Variants in POLA1 observed in about 807,000 individuals in gnomAD.
The protein encoded by POLA1 is DNA polymerase alpha catalytic subunit.
In POLA1, 15 loss-of-function variants were observed where a neutral mutation model predicts 124.0. The ratio of observed to expected loss-of-function variants is 0.12; its 90% CI spans 0.08 to 0.19. POLA1 has a LOEUF of 0.19. POLA1 is among the 10% of genes least tolerant of loss of function. The pLI is 1.00. For synonymous variants in POLA1, 408 were observed against 389.4 expected (o/e 1.05, Z -0.56); for missense variants, 886 against 1,103.4 (o/e 0.80, Z 2.79).
chrX:24,717,620 CAAG>C lies in POLA1; in HGVS notation c.953_955del (p.Glu318del). On this transcript the variant is annotated inframe_deletion, in exon 10 of 37. Transcript: ENST00000379068. Reference sequence around the variant, plus strand: ...GGATGTCTCTTGTTGGGACATTGATCAAGAAGGTGATAGCAGTTTCTCAGTGCA... The same window carrying C: ...GGATGTCTCTTGTTGGGACATTGATCAAGGTGATAGCAGTTTCTCAGTGCA... 8.3e-7 allele frequency: 1 copy of C among 1,209,428 alleles called. No homozygotes were observed. Among genetic ancestry groups the C allele is most frequent in the Non-Finnish European group, 1.1e-6 (1 of 893,683 alleles).
intron 5 of POLA1, 69 bp from the exon 6 acceptor site, chrX:24,715,072 T>G: frequency 1.4e-6 from 1 of 720,717 alleles, no homozygotes; most frequent in Non-Finnish European, 2.2e-6. Flanking sequence ...TTCATATACA[T>G]GTGTGTAGTT....
In POLA1 at chrX:24,902,859, A is replaced by G. The variant is rs2047301366; in HGVS notation, c.4164+14737A>G. On this transcript the variant is annotated intron_variant, in intron 35 of 36. Transcript: ENST00000379068. ...AACAAAAACAATGACATAGTTTTAC[A>G]CATCTTCAGTAGCTAAGAAATATAT... Among the ~76,000 whole-genome samples the G allele has an allele frequency of 2.7e-5, 3 of 112,685 alleles. No homozygotes were observed. The South Asian group carries it at 1.1e-3, about 41-fold the overall frequency.
intron 15 of POLA1, among the ~76,000 whole-genome samples, chrX:24,730,962 G>A (rs1032677746): frequency 8.9e-6 from 1 of 112,130 alleles, no homozygotes; most frequent in Admixed American, 9.5e-5. Context: ...CTTCATAGAC[G>A]GTTTCCAGCT....
rs759006513 is a variant in POLA1, at chrX:24,888,036, C to T, written c.4078C>T (p.Arg1360Cys). 10 of 1,208,021 alleles carry T rather than the reference C, an allele frequency of 8.3e-6. No homozygotes were observed. Among genetic ancestry groups the T allele is most frequent in the Admixed American group, 6.5e-5 (3 of 45,968 alleles). ...GTTGATATGTGAAGAGCCAACCTGTCGCAATCGAACTCGTCACCTTCCCCT... is the reference window on the plus strand; with the variant it reads ...GTTGATATGTGAAGAGCCAACCTGTTGCAATCGAACTCGTCACCTTCCCCT... ...GWLICEEPTC[R>C]NRTRHLPLQF... The change falls in exon 35 of 37, where the codon CGC becomes TGC. Residue 1360 changes from arginine (R) to cysteine (C), a missense_variant. By Grantham distance (180) the Arg-to-Cys change is radical. Transcript: ENST00000379068.
intron 14 of POLA1, among the ~76,000 whole-genome samples, chrX:24,727,433 G>A (rs1362014312): frequency 9.0e-6 from 1 of 111,326 alleles, no homozygotes; most frequent in Non-Finnish European, 1.9e-5. Context: ...GTTACCTGAT[G>A]TTTTTCAGTA....
At chrX:24,810,850 G>A (rs750618361) in intron 28 of POLA1, 50 bp downstream of exon 28, 1 of 611,575 alleles carries the variant, frequency 1.6e-6, no homozygotes, top group South Asian at 2.5e-5. Context: ...TGTGAATTCT[G>A]TTTCTAACAT....
In POLA1 at chrX:24,841,772, A is replaced by G. The variant is rs575609660; in HGVS notation, c.3857A>G (p.Lys1286Arg). 3.6e-5 allele frequency: 43 copies of G among 1,198,714 alleles called. 1 individual carries two copies. The African/African-American group carries it at 7.0e-4, about 20-fold the overall frequency. Residue 1286 changes from lysine (K) to arginine (R), a missense_variant, in exon 33 of 37, where the codon AAA becomes AGA. Coordinates refer to ENST00000379068, the MANE Select transcript of POLA1 (RefSeq NM_001330360.2). ...EEKYRDCERF[K>R]CPCPTCGTEN... The stretch of plus-strand genomic sequence containing the variant: ...AAATACAGGGACTGTGAAAGATTCA[A>G]ATGTCCATGCCCTACATGTGGAACT...
intron 35 of POLA1, among the ~76,000 whole-genome samples, chrX:24,911,956 A>G (rs1363728325): frequency 8.9e-6 from 1 of 112,524 alleles, no homozygotes; most frequent in Non-Finnish European, 1.9e-5. Context: ...AGAGAATAAC[A>G]TTGGAGGAAT....
chrX:24,744,767 A>G (rs1007655313), intron 23 of POLA1, among the ~76,000 whole-genome samples: 2 of 108,893 alleles, frequency 1.8e-5, no homozygotes, highest in Non-Finnish European at 3.8e-5. Context: ...CCTGGCCAAC[A>G]TGGTGAAGCC....
intron 36 of POLA1, among the ~76,000 whole-genome samples, chrX:24,951,490 A>G (rs1415143299): frequency 2.7e-5 from 3 of 109,362 alleles, no homozygotes; most frequent in Non-Finnish European, 5.7e-5. Context: ...TTATCACATT[A>G]GCTATCCAAA....
At chrX:24,863,131 T>C (rs1433583841) in intron 34 of POLA1, among the ~76,000 whole-genome samples, 2 of 111,928 alleles carry the variant, frequency 1.8e-5, no homozygotes, top group Non-Finnish European at 3.8e-5. Context: ...TAAAATGTAA[T>C]ACATTTTTGA....
At chrX:24,749,792 G>A (rs1932224447) in intron 26 of POLA1, among the ~76,000 whole-genome samples, 1 of 112,195 alleles carries the variant, frequency 8.9e-6, no homozygotes, top group Admixed American at 9.4e-5. Context: ...AATAAGATGG[G>A]CCAGATACCA....
At chrX:24,818,220 C>A (rs1460597746) in intron 30 of POLA1, among the ~76,000 whole-genome samples, 1 of 109,692 alleles carries the variant, frequency 9.1e-6, no homozygotes, top group Non-Finnish European at 1.9e-5. Flanking sequence ...TTAAATGAAG[C>A]CTTCTAAAAC....
At chrX:24,732,584 GTTTTGTTTTT>G (rs1432064872) in intron 16 of POLA1, 130 bp downstream of exon 16, 3 of 213,617 alleles carry the variant, frequency 1.4e-5, no homozygotes, top group Non-Finnish European at 2.4e-5. Flanking sequence ...GTTAAAGAGG[GTTTTGTTTTT>G]TTTTGTTTTT....
At chrX:24,938,001 A>G (rs2047872566) in intron 36 of POLA1, among the ~76,000 whole-genome samples, 1 of 112,754 alleles carries the variant, frequency 8.9e-6, no homozygotes, top group Admixed American at 9.4e-5. Flanking sequence ...AGAGAGGGGA[A>G]AAAAGCCAAA....
At chrX:24,867,762 G>A (rs1408317672) in intron 34 of POLA1, among the ~76,000 whole-genome samples, 4 of 111,498 alleles carry the variant, frequency 3.6e-5, no homozygotes, top group African/African-American at 1.3e-4. Flanking sequence ...AGAAAAATGC[G>A]TTTTTAGGAA....
Position 24,745,525 on chromosome X carries a change from G to A in POLA1, c.2674G>A (p.Ala892Thr), listed in dbSNP as rs767424640. 6.9e-6 allele frequency: 8 copies of A among 1,166,761 alleles called. No individual in the cohort carries two copies. In the Admixed American group the frequency reaches 1.2e-4, roughly 17 times the overall value. ...AACAGTACAAAGAGTTGCTTCAGAG[G>A]CACAGAAAGTTACAGAGGTTTGTAT... Reference protein sequence around the residue: ...FTTVQRVASEAQKVTEDGEQE... With the variant: ...FTTVQRVASETQKVTEDGEQE... Residue 892 changes from alanine (A) to threonine (T), a missense_variant, in exon 24 of 37, where the codon GCA (alanine) becomes ACA (threonine). By Grantham distance (58) the Ala-to-Thr change is moderately conservative. This residue lies in a region of POLA1 where 182 missense variants were observed against 252.8 expected (regional missense o/e 0.72). Coordinates refer to ENST00000379068, the MANE Select transcript of POLA1 (RefSeq NM_001330360.2).
intron 26 of POLA1, among the ~76,000 whole-genome samples, chrX:24,754,982 T>G (rs1240733615): frequency 8.9e-6 from 1 of 112,794 alleles, no homozygotes; most frequent in African/African-American, 3.2e-5. Flanking sequence ...TTTTCATTTG[T>G]CTTAATTATT....
At chrX:24,850,734 A>C (rs1264822892) in intron 34 of POLA1, among the ~76,000 whole-genome samples, 1 of 111,701 alleles carries the variant, frequency 9.0e-6, no homozygotes, top group African/African-American at 3.3e-5. Context: ...ATCATTTCCC[A>C]CATATGGATA....
Sources: allele counts gnomAD v4.1 joint callset (sites outside exome capture counted in the v4.1 genomes callset), GRCh38; gene constraint gnomAD v4.1.1; regional missense constraint gnomAD v4.1.1; transcripts MANE v1.5; gene names NCBI Gene and HGNC (gene_info 2026-07-23, HGNC 2026-07-21).